Variants in ZMAT4 observed in about 807,000 individuals in gnomAD.
The protein encoded by ZMAT4 is zinc finger matrin-type 4.
A neutral mutation model predicts 28.7 loss-of-function variants in ZMAT4; 17 were observed. The ratio of observed to expected loss-of-function variants is 0.59; its 90% CI spans 0.41 to 0.89. The LOEUF (loss-of-function observed/expected upper bound fraction) is 0.89. ZMAT4 is among the 40% of genes least tolerant of loss of function. ZMAT4 has a pLI of 0.00. For missense variants in ZMAT4, 240 were observed against 283.8 expected, an observed-to-expected ratio of 0.85 and a Z score of 1.11; for synonymous variants, 117 against 109.2, an observed-to-expected ratio of 1.07 and a Z score of -0.44.
rs1440853094 is a variant in ZMAT4, at chr8:40,835,325, C to G, written c.-4-9645G>C. On this transcript the variant is annotated intron_variant, in intron 1 of 6. Coordinates refer to ENST00000297737, the MANE Select transcript of ZMAT4 (RefSeq NM_024645.3). ...CATGCTCCTTATGTTTCCTGTCGCT[C>G]ATTCCATCACACCAAAGGGCTGTGC... Among the ~76,000 whole-genome samples, 4 of 152,164 alleles carry G rather than the reference C, an allele frequency of 2.6e-5. No homozygotes were observed. The East Asian group carries it at 7.7e-4, about 29-fold the overall frequency.
intron 6 of ZMAT4, among the ~76,000 whole-genome samples, chr8:40,544,491 G>T (rs1803137515): frequency 6.6e-6 from 1 of 152,184 alleles, no homozygotes; most frequent in African/African-American, 2.4e-5. Flanking sequence ...TTGTCTCAAT[G>T]GAACAGTCGG....
At chr8:40,881,297 G>A (rs553605856) in intron 1 of ZMAT4, among the ~76,000 whole-genome samples, 44 of 151,656 alleles carry the variant, frequency 2.9e-4, no homozygotes, top group African/African-American at 7.8e-4. Flanking sequence ...GCTGAGGCAG[G>A]AGAATCACCT....
intron 5 of ZMAT4, among the ~76,000 whole-genome samples, chr8:40,657,446 A>T (rs117767659): frequency 0.024 from 3,648 of 151,822 alleles, 69 homozygotes; most frequent in Non-Finnish European, 0.034. Context: ...TCACTGATTA[A>T]CAGGCTTTTT....
chr8:40,874,996 C>T (rs1043681880), intron 1 of ZMAT4, among the ~76,000 whole-genome samples: 1 of 152,188 alleles, frequency 6.6e-6, no homozygotes, highest in East Asian at 1.9e-4. Context: ...TGAAAGCCCC[C>T]CCAAAATGCA....
intron 1 of ZMAT4, among the ~76,000 whole-genome samples, chr8:40,827,491 G>GT (rs1440972670): frequency 6.6e-6 from 1 of 152,154 alleles, no homozygotes; most frequent in Non-Finnish European, 1.5e-5. Flanking sequence ...CATTCATAAA[G>GT]TATCTGCCTG....
intron 3 of ZMAT4, among the ~76,000 whole-genome samples, chr8:40,749,759 T>C (rs1812381594): frequency 6.6e-6 from 1 of 152,142 alleles, no homozygotes; most frequent in Non-Finnish European, 1.5e-5. Context: ...ATGCAATGCA[T>C]CAAAGGCGGC....
chr8:40,601,484 AG>A (rs768670077), intron 5 of ZMAT4, among the ~76,000 whole-genome samples: 4 of 141,782 alleles, frequency 2.8e-5, no homozygotes, highest in Non-Finnish European at 3.1e-5. Context: ...AAAGAAAGAA[AG>A]AAAGAAAGAG....
chr8:40,649,542 G>C lies in ZMAT4; in HGVS notation c.577+25162C>G, dbSNP rs999996362. Among the ~76,000 whole-genome samples, 1,199 of 152,020 alleles carry C rather than the reference G, an allele frequency of 7.9e-3. 15 individuals carry two copies. The highest frequency in any genetic ancestry group is 0.024 in the African/African-American group (1,015 of 41,434). On this transcript the variant is annotated intron_variant, in intron 5 of 6. Coordinates refer to ENST00000297737, the MANE Select transcript of ZMAT4 (RefSeq NM_024645.3). ...GAGACAGAAAGTCAACAAGGATACC[G>C]AGGAATTGAACTCAGCTCTGCACCA...
chr8:40,631,606 A>G (rs977778737), intron 5 of ZMAT4, among the ~76,000 whole-genome samples: 7 of 152,194 alleles, frequency 4.6e-5, no homozygotes, highest in African/African-American at 1.7e-4. Context: ...CCATGTTTTA[A>G]TAGAGGGATC....
intron 2 of ZMAT4, among the ~76,000 whole-genome samples, chr8:40,769,513 A>C (rs1813303860): frequency 6.6e-6 from 1 of 152,236 alleles, no homozygotes; most frequent in Non-Finnish European, 1.5e-5. Flanking sequence ...TACTACAGTC[A>C]AAAGAATAAA....
chr8:40,712,685 T>C (rs548183695), intron 3 of ZMAT4, among the ~76,000 whole-genome samples: 128 of 152,180 alleles, frequency 8.4e-4, no homozygotes, highest in Non-Finnish European at 1.5e-3. Flanking sequence ...TATCCTGAAA[T>C]CATGGTTTTC....
chr8:40,610,937 A>ATTTT (rs56980207), intron 5 of ZMAT4, among the ~76,000 whole-genome samples: 11 of 146,476 alleles, frequency 7.5e-5, no homozygotes, highest in African/African-American at 2.5e-4. Flanking sequence ...GCCCTTTTGC[A>ATTTT]TTTTTTTTTT....
chr8:40,736,531 A>C (rs1261468670), intron 3 of ZMAT4, among the ~76,000 whole-genome samples: 1 of 152,216 alleles, frequency 6.6e-6, no homozygotes, highest in Non-Finnish European at 1.5e-5. Context: ...TTGGAGGTAC[A>C]AAATGAAGAG....
chr8:40,603,244 C>T (rs1805459237), intron 5 of ZMAT4, among the ~76,000 whole-genome samples: 1 of 152,126 alleles, frequency 6.6e-6, no homozygotes, highest in African/African-American at 2.4e-5. Context: ...GAATATTTGG[C>T]TTTATTTCTG....
intron 2 of ZMAT4, among the ~76,000 whole-genome samples, chr8:40,777,475 G>A (rs935511811): frequency 5.3e-5 from 8 of 152,140 alleles, no homozygotes; most frequent in African/African-American, 1.2e-4. Context: ...CTGTTGCCCC[G>A]GGCCTCCCAG....
intron 2 of ZMAT4, among the ~76,000 whole-genome samples, chr8:40,777,303 G>A (rs1277552990): frequency 6.6e-6 from 1 of 152,238 alleles, no homozygotes; most frequent in Non-Finnish European, 1.5e-5. Flanking sequence ...ACACCTGGCT[G>A]CAGATGGGCG....
intron 6 of ZMAT4, among the ~76,000 whole-genome samples, chr8:40,546,391 T>C (rs1204405194): frequency 6.6e-6 from 1 of 152,118 alleles, no homozygotes; most frequent in Non-Finnish European, 1.5e-5. Context: ...ACTCTGAATG[T>C]GACTGAGTGG....
At chr8:40,796,562 A>AAAAG (rs1006115466) in intron 2 of ZMAT4, among the ~76,000 whole-genome samples, 2 of 152,250 alleles carry the variant, frequency 1.3e-5, no homozygotes, top group Middle Eastern at 3.4e-3. Context: ...GTATTTAAAG[A>AAAAG]AAAGAAAGAA....
chr8:40,655,390 A>G (rs1807870667), intron 5 of ZMAT4, among the ~76,000 whole-genome samples: 1 of 152,102 alleles, frequency 6.6e-6, no homozygotes, highest in Non-Finnish European at 1.5e-5. Context: ...AAAATTATCT[A>G]CAGAGTCAAC....
Sources: allele counts gnomAD v4.1 joint callset (sites outside exome capture counted in the v4.1 genomes callset), GRCh38; gene constraint gnomAD v4.1.1; transcripts MANE v1.5; gene names NCBI Gene and HGNC (gene_info 2026-07-23, HGNC 2026-07-21).